VRK2: variants seen among roughly 807,000 people sequenced by gnomAD.
The protein encoded by VRK2 is VRK serine/threonine kinase 2.
Under a neutral mutation model 57.6 loss-of-function variants are expected in VRK2, and 60 were observed. That is an observed-to-expected ratio of 1.04 (90% CI 0.85 to 1.29). The LOEUF is 1.29. Ranked by LOEUF, VRK2 falls within the 50% of genes most tolerant of loss-of-function variation. VRK2 has a pLI of 0.00. For missense variants in VRK2, 705 were observed against 588.1 expected, an observed-to-expected ratio of 1.20 and a Z score of -2.06; for synonymous variants, 231 against 199.2, an observed-to-expected ratio of 1.16 and a Z score of -1.35.
rs1671624009 is a variant in VRK2 at position 58,086,365 on chromosome 2, C to T, written c.283C>T (p.Leu95Phe). 3 of 1,604,866 alleles carry T rather than the reference C, an allele frequency of 1.9e-6. No individual in the cohort carries two copies. The highest frequency in any genetic ancestry group is 2.7e-5 in the African/African-American group (2 of 74,480). The change falls in exon 5 of 13, where the codon CTT becomes TTT. Residue 95 changes from leucine (L) to phenylalanine (F), a missense_variant. Transcript: ENST00000340157. ...CAAAAAGTGGATAGAACGCAAACAA[C>T]TTGATTATTTAGGAATTCCTCTGTT... is the stretch of plus-strand genomic sequence containing the variant. ...CIKKWIERKQ[L>F]DYLGIPLFYG...
chr2:58,135,283 C>T (rs1573318842), intron 10 of VRK2, 84 bp downstream of exon 10: 2 of 1,439,140 alleles, frequency 1.4e-6, no homozygotes, highest in East Asian at 2.3e-5. Flanking sequence ...TTTTGCTTAA[C>T]CCACTTGCTC....
intron 2 of VRK2, among the ~76,000 whole-genome samples, chr2:58,030,174 T>A (rs886954010): frequency 6.6e-6 from 1 of 152,070 alleles, no homozygotes; most frequent in Admixed American, 6.6e-5. Context: ...ATACCAAGGT[T>A]TTGCTCAATT....
chr2:58,052,598 C>T (rs948022136), intron 2 of VRK2, among the ~76,000 whole-genome samples: 1 of 127,416 alleles, frequency 7.8e-6, no homozygotes, highest in Non-Finnish European at 1.6e-5. Flanking sequence ...GTGAGACTGT[C>T]TCAAAAAAAA....
intron 1 of VRK2, among the ~76,000 whole-genome samples, chr2:57,908,529 A>G (rs1439668626): frequency 1.3e-5 from 2 of 152,116 alleles, no homozygotes; most frequent in Non-Finnish European, 2.9e-5. Context: ...TAAAAAAAAA[A>G]CTTGAGCTCC....
intron 1 of VRK2, among the ~76,000 whole-genome samples, chr2:57,957,877 C>T (rs13021279): frequency 6.6e-6 from 1 of 152,058 alleles, no homozygotes; most frequent in Admixed American, 6.6e-5. Flanking sequence ...AGGAAAGCAC[C>T]TGAAACAATA....
At chr2:57,957,407 T>C (rs895602921) in intron 1 of VRK2, among the ~76,000 whole-genome samples, 3 of 152,052 alleles carry the variant, frequency 2.0e-5, no homozygotes, top group African/African-American at 7.2e-5. Flanking sequence ...CCCCATGCTT[T>C]GTCAGAGCAT....
intron 1 of VRK2, among the ~76,000 whole-genome samples, chr2:57,924,219 T>A (rs1204033181): frequency 6.6e-6 from 1 of 152,058 alleles, no homozygotes; most frequent in East Asian, 1.9e-4. Flanking sequence ...CTTTTGTGAT[T>A]CCATATAAAT....
intron 2 of VRK2, among the ~76,000 whole-genome samples, chr2:58,064,099 T>A (rs1387439831): frequency 6.6e-6 from 1 of 151,994 alleles, no homozygotes; most frequent in Non-Finnish European, 1.5e-5. Flanking sequence ...ACAAAGAGAG[T>A]GGTTTCCTGA....
At chr2:57,955,798 T>C (rs1051298478) in intron 1 of VRK2, among the ~76,000 whole-genome samples, 2 of 152,134 alleles carry the variant, frequency 1.3e-5, no homozygotes, top group African/African-American at 4.8e-5. Flanking sequence ...AGATTAGCAA[T>C]GAGAATTTTT....
At chr2:58,074,040 A>G (rs1669731792) in intron 2 of VRK2, among the ~76,000 whole-genome samples, 1 of 152,134 alleles carries the variant, frequency 6.6e-6, no homozygotes, top group Non-Finnish European at 1.5e-5. Flanking sequence ...TCTATCCTTC[A>G]ATCCAATCAA....
chr2:57,992,344 T>G (rs1200865468), intron 1 of VRK2, among the ~76,000 whole-genome samples: 3 of 152,136 alleles, frequency 2.0e-5, no homozygotes, highest in African/African-American at 7.2e-5. Flanking sequence ...AATAGATAGT[T>G]TTATGGAGAA....
At chr2:58,058,624 A>T in intron 2 of VRK2, 1 of 240,112 alleles carries the variant, frequency 4.2e-6, no homozygotes, top group South Asian at 4.8e-5. Context: ...GATGTGTCAG[A>T]TGTGTCTGTA....
At position 58,000,915 on chromosome 2, in the gene VRK2, C is replaced by T. The variant is rs555921243; in HGVS notation, c.-438-24750C>T. ...TGTGATGACTCTGTACAAGAAAATGCCTTTGAAATCATCTAGGCTAGAATA... is the reference window on the plus strand; with the variant it reads ...TGTGATGACTCTGTACAAGAAAATGTCTTTGAAATCATCTAGGCTAGAATA... On this transcript the variant is annotated intron_variant, in intron 1 of 15. Coordinates refer to the VRK2 transcript ENST00000417641. Among the ~76,000 whole-genome samples, 7 of 152,276 alleles carry T rather than the reference C, an allele frequency of 4.6e-5. No homozygotes were observed. In the South Asian group the frequency reaches 1.5e-3, roughly 32 times the overall value.
intron 1 of VRK2, among the ~76,000 whole-genome samples, chr2:57,956,069 A>T (rs1671577387): frequency 1.3e-5 from 2 of 152,230 alleles, no homozygotes; most frequent in South Asian, 4.1e-4. Context: ...CAATAGATTT[A>T]TAAAAGAAAT....
intron 1 of VRK2, among the ~76,000 whole-genome samples, chr2:57,959,103 G>T (rs982166871): frequency 2.0e-5 from 3 of 152,170 alleles, no homozygotes; most frequent in African/African-American, 4.8e-5. Context: ...GATTCACTAT[G>T]ACTAAAATTT....
intron 11 of VRK2, among the ~76,000 whole-genome samples, chr2:58,145,851 G>A (rs534277597): frequency 2.0e-5 from 3 of 151,902 alleles, no homozygotes; most frequent in East Asian, 1.9e-4. Flanking sequence ...CAATTCCCAC[G>A]TATGAGTGAG....
At chr2:58,048,394 C>A in intron 1 of VRK2, 2 of 401,902 alleles carry the variant, frequency 5.0e-6, no homozygotes, top group South Asian at 4.6e-5. Flanking sequence ...CCAATCCAAT[C>A]CTGTGTTCTT....
In VRK2 at chr2:58,159,453, T is replaced by A; in HGVS notation, c.1287T>A (p.Phe429Leu). The change falls in exon 13 of 13, where the codon TTT becomes TTA. Residue 429 changes from phenylalanine to leucine, a missense_variant. Physicochemically the swap from Phe to Leu is conservative, Grantham distance 22. Coordinates refer to ENST00000340157, the MANE Select transcript of VRK2 (RefSeq NM_006296.7). ...KISYTQFPNSFYEPHQDFTSP... is the reference protein window; with the variant it reads ...KISYTQFPNSLYEPHQDFTSP... ...GCTATACACAATTCCCAAACTCATT[T>A]TATGAGCCTCATCAAGATTTTACCA... 1 of 1,613,696 alleles carries A rather than the reference T, an allele frequency of 6.2e-7. No homozygotes were observed. The highest frequency in any genetic ancestry group is 8.5e-7 in the Non-Finnish European group (1 of 1,179,730).
intron 1 of VRK2, among the ~76,000 whole-genome samples, chr2:58,007,878 G>A (rs1673299184): frequency 1.3e-5 from 2 of 152,080 alleles, no homozygotes; most frequent in African/African-American, 2.4e-5. Flanking sequence ...CTAAATGTAT[G>A]TGCCTCCAAG....
Sources: gnomAD v4.1 joint callset for allele counts (sites outside exome capture counted in the v4.1 genomes callset) on GRCh38, gnomAD v4.1.1 for gene constraint, MANE v1.5 for transcripts, NCBI Gene and HGNC (gene_info 2026-07-23, HGNC 2026-07-21) for gene names.